KCNT2: variants seen among roughly 807,000 people sequenced by gnomAD.
The protein encoded by KCNT2 is potassium sodium-activated channel subfamily T member 2, also known as potassium channel subfamily T member 2.
In KCNT2, 67 loss-of-function variants were observed where a neutral mutation model predicts 153.8. That is an observed-to-expected ratio of 0.44 (90% confidence interval 0.36 to 0.53). KCNT2 has a LOEUF of 0.53. KCNT2 is among the 20% of genes least tolerant of loss of function. The probability of loss-of-function intolerance (pLI) is 0.00; values close to 1 mark genes in which losing one functional copy is unlikely to be tolerated. For missense variants in KCNT2, 975 were observed against 1,354.8 expected (o/e 0.72, Z 4.40); for synonymous variants, 500 against 458.8 (o/e 1.09, Z -1.15).
rs189433622 is a variant in KCNT2, at chr1:196,471,838, A to G, written c.385-2770T>C. ...ATTTTTCTTCCACATTAAAGCCAGAAGAATCTTTCTAAAATGCCAAATTCC... is the reference window on the plus strand; with the variant it reads ...ATTTTTCTTCCACATTAAAGCCAGAGGAATCTTTCTAAAATGCCAAATTCC... On this transcript the variant is annotated intron_variant, in intron 5 of 27. Coordinates refer to ENST00000294725, the MANE Select transcript of KCNT2 (RefSeq NM_198503.5). Among the ~76,000 whole-genome samples the G allele has an allele frequency of 7.2e-5, 11 of 152,336 alleles. No individual in the cohort carries two copies. The East Asian group carries it at 2.1e-3, about 29-fold the overall frequency.
In KCNT2 at chr1:196,340,516, C is replaced by T; in HGVS notation, c.1608G>A (p.Leu536=). The T allele has an allele frequency of 6.2e-7, 1 of 1,611,110 alleles. No homozygotes were observed. Among genetic ancestry groups the T allele is most frequent in the Non-Finnish European group, 8.5e-7 (1 of 1,178,510 alleles). Residue 536 remains leucine (L), a synonymous_variant, in exon 16 of 28, where the codon CTG becomes CTA. Transcript: ENST00000294725. ...VRREDNKNIL[L]NPGPRYIMNS... ...TCATAATGTATCGAGGACCTGGATT[C>T]AGCAAAATGTTTTTATTATCCTCCC...
rs187040411 is a variant in KCNT2 at position 196,355,713 on chromosome 1, A to C, written c.1404-13485T>G. 6.9e-3 allele frequency among the ~76,000 whole-genome samples: 1,052 copies of C among 151,840 alleles called. 9 individuals carry two copies. Among genetic ancestry groups the C allele is most frequent in the African/African-American group, 0.024 (976 of 41,486 alleles). On this transcript the variant is annotated intron_variant, in intron 14 of 27. Transcript: ENST00000294725. ...AAAAATACCCTAAAATTGTGTTAAG[A>C]CTTTTCATCTACTTTTTAAACTGTC...
chr1:196,373,198 A>G lies in KCNT2; in HGVS notation c.1345T>C (p.Cys449Arg). The G allele has an allele frequency of 6.3e-7, 1 of 1,591,230 alleles. No homozygotes were observed. Among genetic ancestry groups the G allele is most frequent in the Non-Finnish European group, 8.6e-7 (1 of 1,160,560 alleles). ...AGTGTAGATGTTGCTGGGCATATAC[A>G]GTTTAAAGCTAACATGGCGTATTTA... Reference protein sequence around the residue: ...EFKYAMLALNCICPATSTLIT... With the variant: ...EFKYAMLALNRICPATSTLIT... Residue 449 changes from cysteine to arginine, a missense_variant, in exon 14 of 28, where the codon TGT becomes CGT. By Grantham distance (180) the Cys-to-Arg change is radical. Around this residue, in one of 6 missense-constraint regions of KCNT2, gnomAD observed 202 missense variants for 314.9 expected, o/e 0.64. Coordinates refer to ENST00000294725, the MANE Select transcript of KCNT2 (RefSeq NM_198503.5).
chr1:196,275,540 A>G (rs1658485553), intron 25 of KCNT2, among the ~76,000 whole-genome samples: 1 of 151,882 alleles, frequency 6.6e-6, no homozygotes, highest in African/African-American at 2.4e-5. Flanking sequence ...TCTTTTTAAA[A>G]ATGTCAGCTA....
At chr1:196,308,286 C>T (rs1460911409) in intron 21 of KCNT2, among the ~76,000 whole-genome samples, 1 of 151,852 alleles carries the variant, frequency 6.6e-6, no homozygotes, top group African/African-American at 2.4e-5. Flanking sequence ...CTTGTGTTTC[C>T]ATCTGTATCC....
chr1:196,289,849 A>T (rs1660023607), intron 22 of KCNT2, among the ~76,000 whole-genome samples: 1 of 152,084 alleles, frequency 6.6e-6, no homozygotes. Context: ...TTTTCCTAAC[A>T]AATACTTATA....
intron 8 of KCNT2, among the ~76,000 whole-genome samples, chr1:196,447,898 G>A (rs1429173355): frequency 6.6e-6 from 1 of 151,090 alleles, no homozygotes. Context: ...ACCGAGAGCA[G>A]GAAGAGCCTT....
At chr1:196,378,333 A>G (rs1221870177) in intron 13 of KCNT2, among the ~76,000 whole-genome samples, 1 of 152,018 alleles carries the variant, frequency 6.6e-6, no homozygotes, top group Non-Finnish European at 1.5e-5. Context: ...CACTTAGCAA[A>G]TTTATTAATG....
intron 13 of KCNT2, among the ~76,000 whole-genome samples, chr1:196,376,894 T>C (rs908828578): frequency 1.3e-5 from 2 of 151,896 alleles, no homozygotes; most frequent in Non-Finnish European, 2.9e-5. Context: ...TGTAGGTTAT[T>C]AATAATGTGC....
At position 196,284,249 on chromosome 1, in the gene KCNT2, ATATATAT is replaced by A. The variant is rs1361823818; in HGVS notation, c.2697+1401_2697+1407del. 4.8e-4 allele frequency among the ~76,000 whole-genome samples: 11 copies of A among 22,926 alleles called. 2 individuals carry two copies. The highest frequency in any genetic ancestry group is 3.9e-3 in the East Asian group (3 of 764). 15.0% of individuals were successfully genotyped at this position (22,926 alleles called of 152,430 possible). On this transcript the variant is annotated intron_variant, in intron 23 of 27. Coordinates refer to ENST00000294725, the MANE Select transcript of KCNT2 (RefSeq NM_198503.5). ...CTGTCTTAAAAAAAAAAAAAAAAAA[ATATATAT>A]ATATATATATATATATATATATAGT...
intron 3 of KCNT2, 54 bp from the exon 4 acceptor site, chr1:196,482,433 C>T: frequency 2.1e-6 from 2 of 970,130 alleles, no homozygotes; most frequent in Non-Finnish European, 3.0e-6. Flanking sequence ...AATCTATTCA[C>T]TTTTAAAATT....
intron 8 of KCNT2, among the ~76,000 whole-genome samples, chr1:196,437,986 T>G (rs1469350057): frequency 6.6e-6 from 1 of 151,440 alleles, no homozygotes; most frequent in Non-Finnish European, 1.5e-5. Flanking sequence ...TTAATAAATA[T>G]TTTTTATTTG....
intron 3 of KCNT2, among the ~76,000 whole-genome samples, chr1:196,483,508 C>T (rs1056620726): frequency 1.3e-5 from 2 of 152,144 alleles, no homozygotes; most frequent in Non-Finnish European, 2.9e-5. Flanking sequence ...TTTGCACTTC[C>T]GTTAGAATAA....
chr1:196,525,754 T>C (rs544545131), intron 1 of KCNT2, among the ~76,000 whole-genome samples: 111 of 152,348 alleles, frequency 7.3e-4, no homozygotes, highest in Non-Finnish European at 1.4e-3. Flanking sequence ...TTTACAGCCA[T>C]GTTGGCCAGA....
chr1:196,297,837 C>T (rs1660815380), intron 22 of KCNT2, among the ~76,000 whole-genome samples: 1 of 151,988 alleles, frequency 6.6e-6, no homozygotes, highest in Non-Finnish European at 1.5e-5. Flanking sequence ...GGACAATGTG[C>T]TTTTGTTTGT....
chr1:196,535,175 C>A (rs563283334), intron 1 of KCNT2, among the ~76,000 whole-genome samples: 1 of 152,306 alleles, frequency 6.6e-6, no homozygotes, highest in Admixed American at 6.5e-5. Context: ...AGAGTCCCAA[C>A]ATTCTAGGAG....
chr1:196,467,566 T>C (rs956316693), intron 7 of KCNT2, 137 bp downstream of exon 7: 1 of 460,886 alleles, frequency 2.2e-6, no homozygotes, highest in Non-Finnish European at 4.0e-6. Context: ...ATAGTATGAG[T>C]TAAACGTTAT....
At chr1:196,486,214 G>T (rs1295717924) in intron 3 of KCNT2, among the ~76,000 whole-genome samples, 1 of 151,820 alleles carries the variant, frequency 6.6e-6, no homozygotes, top group Non-Finnish European at 1.5e-5. Context: ...TAGGTGTTGT[G>T]ATCTCAGATA....
At chr1:196,235,776 T>G (rs1470609891) in intron 27 of KCNT2, among the ~76,000 whole-genome samples, 1 of 151,512 alleles carries the variant, frequency 6.6e-6, no homozygotes, top group African/African-American at 2.4e-5. Context: ...TTCATGCTGC[T>G]ATTTCTTTAT....
Sources: gnomAD v4.1 joint callset for allele counts (sites outside exome capture counted in the v4.1 genomes callset) on GRCh38, gnomAD v4.1.1 for gene constraint, gnomAD v4.1.1 regional missense constraint, MANE v1.5 for transcripts, NCBI Gene and HGNC (gene_info 2026-07-23, HGNC 2026-07-21) for gene names.